The following NPSR1 variants were observed in gnomAD, a reference collection of about 807,000 sequenced individuals.
NPSR1 encodes neuropeptide S receptor.
Under a neutral mutation model 46.9 loss-of-function variants are expected in NPSR1, and 48 were observed. That is an observed-to-expected ratio of 1.02 (90% CI 0.81 to 1.30). NPSR1 has a LOEUF of 1.30. NPSR1 is among the 50% of genes most tolerant of loss of function. The pLI, the probability that NPSR1 is intolerant of heterozygous loss-of-function variation, is 0.00. For missense variants in NPSR1, 450 were observed against 449.5 expected (o/e 1.00, Z -0.01); for synonymous variants, 176 against 168.1 (o/e 1.05, Z -0.36).
At chr7:34,691,948 C>G (rs563403031) in intron 2 of NPSR1, among the ~76,000 whole-genome samples, 3 of 151,994 alleles carry the variant, frequency 2.0e-5, no homozygotes, top group Non-Finnish European at 4.4e-5. Flanking sequence ...AGACCCAATT[C>G]CACAAAATAA....
At chr7:34,694,821 T>G (rs955991115) in intron 2 of NPSR1, among the ~76,000 whole-genome samples, 1 of 152,220 alleles carries the variant, frequency 6.6e-6, no homozygotes, top group Non-Finnish European at 1.5e-5. Flanking sequence ...GAGATTCTCC[T>G]GCCTCAGCCT....
chr7:34,840,547 A>G (rs1371570343), intron 6 of NPSR1, among the ~76,000 whole-genome samples: 1 of 152,210 alleles, frequency 6.6e-6, no homozygotes, highest in Non-Finnish European at 1.5e-5. Flanking sequence ...GAAGAGCAGC[A>G]GTGCTGAATA....
At chr7:34,827,970 C>A (rs1374575668) in intron 5 of NPSR1, among the ~76,000 whole-genome samples, 9 of 152,164 alleles carry the variant, frequency 5.9e-5, no homozygotes, top group Admixed American at 1.3e-4. Flanking sequence ...GATTGATATC[C>A]AGGTTTTTCT....
At chr7:34,751,947 TG>T in intron 2 of NPSR1, 1 of 1,194,812 alleles carries the variant, frequency 8.4e-7, no homozygotes, top group South Asian at 1.2e-5. Flanking sequence ...CAACTGGAAG[TG>T]GGGGTGACGT....
chr7:34,714,817 A>G (rs1323436939), intron 2 of NPSR1, among the ~76,000 whole-genome samples: 6 of 152,234 alleles, frequency 3.9e-5, no homozygotes, highest in Non-Finnish European at 7.3e-5. Context: ...AGTGCCATAG[A>G]TACCAGGAAT....
At chr7:34,711,107 T>C (rs865952418) in intron 2 of NPSR1, 6 of 305,544 alleles carry the variant, frequency 2.0e-5, no homozygotes, top group African/African-American at 4.4e-5. Context: ...TTGTCAGATC[T>C]TCAATGGAAG....
At chr7:34,850,017 G>A, downstream of NPSR1, 1 of 1,008,338 alleles carries the variant, frequency 9.9e-7, no homozygotes, top group Non-Finnish European at 1.2e-6. Flanking sequence ...GGTTATACAT[G>A]AATATTCTCA....
At chr7:34,787,681 C>T (rs1414084157) in intron 3 of NPSR1, among the ~76,000 whole-genome samples, 1 of 152,054 alleles carries the variant, frequency 6.6e-6, no homozygotes, top group Non-Finnish European at 1.5e-5. Context: ...TATTTATTGG[C>T]TTAATTTCAA....
chr7:34,780,354 T>TAG (rs1787175916), intron 3 of NPSR1, among the ~76,000 whole-genome samples: 1 of 152,198 alleles, frequency 6.6e-6, no homozygotes, highest in Non-Finnish European at 1.5e-5. Flanking sequence ...CTTCTTGATT[T>TAG]AGAAATATTC....
chr7:34,833,979 A>C (rs1790244400), intron 5 of NPSR1, among the ~76,000 whole-genome samples: 2 of 152,226 alleles, frequency 1.3e-5, no homozygotes, highest in African/African-American at 4.8e-5. Flanking sequence ...GGATCAACAA[A>C]GCCATGAATG....
At chr7:34,826,884 T>C (rs1252127036) in intron 4 of NPSR1, among the ~76,000 whole-genome samples, 1 of 72,744 alleles carries the variant, frequency 1.4e-5, no homozygotes, top group Non-Finnish European at 2.5e-5. Context: ...CCCATGTTCC[T>C]ACCAAAAAAA....
intron 2 of NPSR1, among the ~76,000 whole-genome samples, chr7:34,705,196 G>A (rs1274045912): frequency 6.6e-6 from 1 of 152,078 alleles, no homozygotes; most frequent in African/African-American, 2.4e-5. Context: ...GGAGGCTGAG[G>A]CGGGCAGATC....
At position 34,723,081 on chromosome 7, in the gene NPSR1, T is replaced by G. The variant is rs148744117; in HGVS notation, c.280+38397T>G. 1.6e-3 allele frequency among the ~76,000 whole-genome samples: 244 copies of G among 152,212 alleles called. 1 individual carries two copies. Among genetic ancestry groups the G allele is most frequent in the South Asian group, 0.011 (54 of 4,820 alleles). ...GCTCCCTCTGGAAACTGTGAACAAA[T>G]TAAGCCAGAGCAAATCCGTCCATCC... On this transcript the variant is annotated intron_variant, in intron 2 of 8. Coordinates refer to ENST00000360581, the MANE Select transcript of NPSR1 (RefSeq NM_207172.2).
intron 2 of NPSR1, among the ~76,000 whole-genome samples, chr7:34,767,498 G>A (rs940845689): frequency 5.9e-5 from 9 of 151,270 alleles, no homozygotes; most frequent in South Asian, 2.1e-4. Flanking sequence ...TCTAGGAATC[G>A]TAGACTTTAC....
At chr7:34,698,154 C>T (rs1793628550) in intron 2 of NPSR1, among the ~76,000 whole-genome samples, 1 of 152,094 alleles carries the variant, frequency 6.6e-6, no homozygotes, top group African/African-American at 2.4e-5. Context: ...GTAGCTTTAT[C>T]TGTGTCTTAG....
chr7:34,844,777 C>T (rs1290090811), intron 6 of NPSR1, 119 bp from the exon 7 acceptor site: 1 of 718,832 alleles, frequency 1.4e-6, no homozygotes. Context: ...GCCATCTGGG[C>T]ATAAATGCAC....
intron 2 of NPSR1, among the ~76,000 whole-genome samples, chr7:34,726,851 G>T (rs544935585): frequency 4.6e-5 from 7 of 152,040 alleles, no homozygotes; most frequent in African/African-American, 1.4e-4. Context: ...CAGCTTTCAG[G>T]GATTAGGGAG....
At chr7:34,660,741 G>A (rs1300920480) in intron 1 of NPSR1, among the ~76,000 whole-genome samples, 1 of 152,078 alleles carries the variant, frequency 6.6e-6, no homozygotes. Context: ...CACAATCCAT[G>A]GTGTATCTTT....
intron 2 of NPSR1, among the ~76,000 whole-genome samples, chr7:34,762,269 G>A (rs577932416): frequency 8.5e-5 from 13 of 152,298 alleles, no homozygotes; most frequent in African/African-American, 3.1e-4. Context: ...TGACTGAGGT[G>A]TGAGCCACTT....
Sources: allele counts gnomAD v4.1 joint callset (sites outside exome capture counted in the v4.1 genomes callset), GRCh38; gene constraint gnomAD v4.1.1; transcripts MANE v1.5; gene names NCBI Gene and HGNC (gene_info 2026-07-23, HGNC 2026-07-21).